Variants in LRRC37A2 observed in about 807,000 individuals in gnomAD.
The protein encoded by LRRC37A2 is leucine-rich repeat-containing protein 37A2.
A neutral mutation model predicts 68.8 loss-of-function variants in LRRC37A2; 9 were observed. The ratio of observed to expected loss-of-function variants is 0.13; its 90% CI spans 0.08 to 0.23. The LOEUF is 0.23. Ranked by LOEUF, LRRC37A2 falls within the 10% of genes least tolerant of loss-of-function variation. The pLI, the probability that LRRC37A2 is intolerant of heterozygous loss-of-function variation, is 1.00. For synonymous variants in LRRC37A2, 63 were observed against 367.6 expected, an observed-to-expected ratio of 0.17 and a Z score of 9.48; for missense variants, 168 against 950.4, an observed-to-expected ratio of 0.18 and a Z score of 10.82.
At chr17:46,707,863 C>G in the LRRC37A2 span, among the ~76,000 whole-genome samples, 13 of 152,058 alleles carry the variant, frequency 8.5e-5, no homozygotes, top group South Asian at 2.5e-3. Flanking sequence ...GAAACCCCAT[C>G]TCTACTAAAA....
chr17:46,944,610 CTT>C, the LRRC37A2 span, among the ~76,000 whole-genome samples: 852 of 144,168 alleles, frequency 5.9e-3, 6 homozygotes, highest in Non-Finnish European at 7.6e-3. Context: ...TTTTAATTTT[CTT>C]TTTTTTTTTT....
chr17:46,712,717 AC>A, the LRRC37A2 span, among the ~76,000 whole-genome samples: 1 of 152,142 alleles, frequency 6.6e-6, no homozygotes, highest in South Asian at 2.1e-4. Flanking sequence ...GTGGGTTGAG[AC>A]GAAAAGGAGG....
the LRRC37A2 span, among the ~76,000 whole-genome samples, chr17:46,408,535 T>C: frequency 1.4e-5 from 1 of 71,514 alleles, no homozygotes; most frequent in African/African-American, 3.5e-5. Flanking sequence ...TTAAATCTTT[T>C]TTTTTTTTAT....
the LRRC37A2 span, among the ~76,000 whole-genome samples, chr17:46,921,668 C>A: frequency 6.6e-6 from 1 of 151,454 alleles, no homozygotes; most frequent in African/African-American, 2.4e-5. Flanking sequence ...AACAAGTGGG[C>A]GAAGGATATG....
the LRRC37A2 span, among the ~76,000 whole-genome samples, chr17:46,721,135 G>A: frequency 6.6e-6 from 1 of 152,212 alleles, no homozygotes; most frequent in African/African-American, 2.4e-5. Flanking sequence ...CAGTGCTCAC[G>A]GAGTGCATGT....
chr17:46,985,151 G>A, the LRRC37A2 span, among the ~76,000 whole-genome samples: 1 of 152,188 alleles, frequency 6.6e-6, no homozygotes, highest in African/African-American at 2.4e-5. Context: ...AACATGGATT[G>A]CCCTGTTCAG....
chr17:46,498,783 T>C, the LRRC37A2 span, among the ~76,000 whole-genome samples: 1 of 148,870 alleles, frequency 6.7e-6, no homozygotes, highest in Non-Finnish European at 1.5e-5. Context: ...AATTTAAAAA[T>C]GCAAACGGTT....
At chr17:46,392,429 CT>C in the LRRC37A2 span, among the ~76,000 whole-genome samples, 1 of 27,046 alleles carries the variant, frequency 3.7e-5, no homozygotes, top group Admixed American at 2.9e-4. Context: ...CTCTTTCTTT[CT>C]CTCTTTCTTT....
the LRRC37A2 span, among the ~76,000 whole-genome samples, chr17:46,732,946 C>T: frequency 6.6e-6 from 1 of 152,256 alleles, no homozygotes; most frequent in Non-Finnish European, 1.5e-5. Context: ...GGGGTGCTCA[C>T]TGTCACACAG....
chr17:46,819,082 A>ACAGTGAC, the LRRC37A2 span, among the ~76,000 whole-genome samples: 1 of 152,048 alleles, frequency 6.6e-6, no homozygotes, highest in African/African-American at 2.4e-5. The surrounding 1 kb of genome is among the most constrained non-coding windows in gnomAD (Gnocchi z 5.3). Flanking sequence ...GCTGGCGGGG[A>ACAGTGAC]CCGTGACCCG....
the LRRC37A2 span, among the ~76,000 whole-genome samples, chr17:46,933,863 G>A: frequency 6.6e-6 from 1 of 151,516 alleles, no homozygotes; most frequent in African/African-American, 2.4e-5. Flanking sequence ...ACTCTCTGGA[G>A]CCTGAGGTGA....
the LRRC37A2 span, chr17:47,017,762 G>A: frequency 2.5e-6 from 4 of 1,610,542 alleles, no homozygotes; most frequent in African/African-American, 4.0e-5. Flanking sequence ...CAGATACACC[G>A]TATCCCGGTA....
the LRRC37A2 span, among the ~76,000 whole-genome samples, chr17:47,036,350 T>C: frequency 6.6e-6 from 1 of 152,048 alleles, no homozygotes; most frequent in African/African-American, 2.4e-5. Flanking sequence ...CTTCATTAAA[T>C]TCAAAAGACA....
the LRRC37A2 span, among the ~76,000 whole-genome samples, chr17:46,771,227 C>A: frequency 1.3e-5 from 2 of 152,180 alleles, no homozygotes; most frequent in East Asian, 1.9e-4. Context: ...GCCCGCGCCC[C>A]GCGCCTGCGC....
chr17:46,882,492 G>C, the LRRC37A2 span, among the ~76,000 whole-genome samples: 1 of 152,254 alleles, frequency 6.6e-6, no homozygotes, highest in South Asian at 2.1e-4. Flanking sequence ...CTGGAGTGCA[G>C]TGGTGCGATC....
chr17:46,952,120 T>C, the LRRC37A2 span, among the ~76,000 whole-genome samples: 56 of 152,358 alleles, frequency 3.7e-4, no homozygotes, highest in Admixed American at 7.2e-4. Context: ...CAGAAAATTC[T>C]TATAGTGGGT....
At chr17:46,842,806 G>C in the LRRC37A2 span, among the ~76,000 whole-genome samples, 1 of 152,214 alleles carries the variant, frequency 6.6e-6, no homozygotes, top group South Asian at 2.1e-4. Context: ...CCAGACAGAA[G>C]CTATGAGAAA....
At chr17:46,657,469 T>C in the LRRC37A2 span, among the ~76,000 whole-genome samples, 15 of 150,882 alleles carry the variant, frequency 9.9e-5, no homozygotes, top group Admixed American at 9.9e-4. Context: ...TTCCTCATTA[T>C]AAAAATGGGA....
the LRRC37A2 span, chr17:46,773,543 T>C: frequency 1.4e-5 from 16 of 1,160,842 alleles, no homozygotes; most frequent in Non-Finnish European, 1.6e-5. Flanking sequence ...TGCAACCAAA[T>C]TTATCACCCT....
Sources: allele counts gnomAD v4.1 joint callset (sites outside exome capture counted in the v4.1 genomes callset), GRCh38; gene constraint gnomAD v4.1.1; non-coding constraint Gnocchi (gnomAD v3.1); transcripts MANE v1.5; gene names NCBI Gene and HGNC (gene_info 2026-07-23, HGNC 2026-07-21).